The following QRICH2 variants were observed in gnomAD, a reference collection of about 807,000 sequenced individuals.
The protein encoded by QRICH2 is glutamine-rich protein 2.
In QRICH2, 119 loss-of-function variants were observed where a neutral mutation model predicts 168.3. The observed-to-expected ratio is 0.71, with a 90% CI of 0.61 to 0.82. QRICH2 has a LOEUF of 0.82. QRICH2 is among the 40% of genes least tolerant of loss of function. QRICH2 has a pLI of 0.00. For synonymous variants in QRICH2, 894 were observed against 951.2 expected (o/e 0.94, Z 1.11); for missense variants, 2,241 against 2,491.6 (o/e 0.90, Z 2.14).
rs112068809 is a variant in QRICH2, at chr17:76,285,125, C to CTGTTGTTGTTGTTGTTGTTGTTGT, written c.4011+2066_4011+2067insACAACAACAACAACAACAACAACA. ...GTGCACCACCACACCCAGCTATTTT[C>CTGTTGTTGTTGTTGTTGTTGTTGT]TGTTGTTGTTGTTGTTGTTGTTTTT... is the stretch of plus-strand genomic sequence containing the variant. On this transcript the variant is annotated intron_variant, in intron 7 of 18. Coordinates refer to ENST00000680821, the MANE Select transcript of QRICH2 (RefSeq NM_001388453.1). 4.3e-3 allele frequency among the ~76,000 whole-genome samples: 633 copies of CTGTTGTTGTTGTTGTTGTTGTTGT among 147,846 alleles called. 4 individuals carry two copies. Among genetic ancestry groups the CTGTTGTTGTTGTTGTTGTTGTTGT allele is most frequent in the African/African-American group, 0.015 (604 of 39,626 alleles).
chr17:76,280,844 T>C lies in QRICH2; in HGVS notation c.4373A>G (p.Gln1458Arg), dbSNP rs753575316. The C allele has an allele frequency of 8.7e-6, 14 of 1,613,924 alleles. No individual in the cohort carries two copies. Among genetic ancestry groups the C allele is most frequent in the Middle Eastern group, 1.6e-4 (1 of 6,082 alleles). Residue 1458 changes from glutamine to arginine, a missense_variant, in exon 9 of 19, where the codon CAG becomes CGG. Transcript: ENST00000680821. This position sits in a 1 kb window ranked among gnomAD's most constrained non-coding sequence, Gnocchi z 7.4. ...SNLIEDHRQK[Q>R]KDIAMLYQGL... ...GCGGCCGCTCACAGCAATGTCCTTC[T>C]GTTTCTGCCGATGGTCCTCGATGAG...
intron 7 of QRICH2, among the ~76,000 whole-genome samples, chr17:76,284,965 T>A (rs2070855340): frequency 1.3e-5 from 2 of 151,882 alleles, no homozygotes; most frequent in African/African-American, 4.8e-5. Context: ...TATAATTTTT[T>A]TTTTTTTTTG....
rs144033405 is a variant in QRICH2 at position 76,281,845 on chromosome 17, G to A, written c.4263+19C>T. The A allele has an allele frequency of 1.1e-3, 1,753 of 1,606,514 alleles. 15 individuals are homozygous for A. In the African/African-American group the frequency reaches 0.017, roughly 16 times the overall value. On this transcript the variant is annotated intron_variant, in intron 8 of 18. Transcript: ENST00000680821. The surrounding 1 kb of genome is among the most constrained non-coding windows in gnomAD (Gnocchi z 4.4). ...GGCCATGTCCAGTTGCAGCAGGAGG[G>A]AGGCGAGCAGAGCCCCACCTGTCTC...
At chr17:76,277,863 T>A (rs1568104195) in intron 15 of QRICH2, 126 bp downstream of exon 15, 32 of 1,010,482 alleles carry the variant, frequency 3.2e-5, no homozygotes, top group Middle Eastern at 2.9e-4. Flanking sequence ...ACACTTTCTC[T>A]CACACACACA....
chr17:76,292,613 G>A lies in QRICH2; in HGVS notation c.2114C>T (p.Ala705Val). The A allele has an allele frequency of 1.2e-6, 2 of 1,613,454 alleles. No individual in the cohort carries two copies. Among genetic ancestry groups the A allele is most frequent in the Non-Finnish European group, 1.7e-6 (2 of 1,179,914 alleles). Residue 705 changes from alanine to valine, a missense_variant, in exon 4 of 19, where the codon GCA becomes GTA. By Grantham distance (64) the Ala-to-Val change is moderately conservative. This residue lies in a region of QRICH2 where 2,047 missense variants were observed against 2,303.8 expected (regional missense o/e 0.89). Transcript: ENST00000680821. ...ADQIDVVQPG[A>V]DQHGLVQSGA... ...AGATTGTACCAAACCATGCTGATCT[G>A]CACCAGGTTGCACCACATCAATCTG...
chr17:76,308,529 C>T, upstream of QRICH2: 1 of 982,492 alleles, frequency 1.0e-6, no homozygotes, highest in Non-Finnish European at 1.2e-6. Flanking sequence ...TGCTTTGTGT[C>T]ATCAGCTGCG....
intron 17 of QRICH2, among the ~76,000 whole-genome samples, 192 bp downstream of exon 17, chr17:76,276,488 G>C (rs1267680736): frequency 6.6e-6 from 1 of 152,248 alleles, no homozygotes; most frequent in Non-Finnish European, 1.5e-5. Flanking sequence ...TGATGGCTGA[G>C]GCTGGACAGC....
In QRICH2 at chr17:76,292,720, GCCAGGCTGATCTACA is replaced by G; in HGVS notation, c.1992_2006del (p.Val665_Gly669del). The G allele has an allele frequency of 6.3e-7, 1 of 1,588,944 alleles. No individual in the cohort carries two copies. Among genetic ancestry groups the G allele is most frequent in the Non-Finnish European group, 8.5e-7 (1 of 1,170,424 alleles). ...GCTGAAATCTGCCAGGTTGGACCAT[GCCAGGCTGATCTACA>G]CCAGGCTGTACCAAGACACCCTGAC... On this transcript the variant is annotated inframe_deletion, in exon 4 of 19. Coordinates refer to ENST00000680821, the MANE Select transcript of QRICH2 (RefSeq NM_001388453.1).
chr17:76,292,204 C>T lies in QRICH2; in HGVS notation c.2523G>A (p.Leu841=). 1.3e-6 allele frequency: 2 copies of T among 1,525,606 alleles called. No homozygotes were observed. Among genetic ancestry groups the T allele is most frequent in the Non-Finnish European group, 1.8e-6 (2 of 1,123,130 alleles). 94.5% of individuals were successfully genotyped at this position (1,525,606 alleles called of 1,614,324 possible). A position where few individuals can be genotyped will look rare whatever the true frequency, so the allele number is the denominator to read the frequency against. ...LVQPGAVQRG[L]VQPGAVQHGL... is the part of the protein sequence containing the mutation. ...CATGCTGAACTGCACCAGGTTGGAC[C>T]AAACCACGCTGAACTGCACCAGGTT... Residue 841 remains leucine (L), a synonymous_variant, in exon 4 of 19, where the codon TTG becomes TTA. Transcript: ENST00000680821.
intron 3 of QRICH2, chr17:76,301,385 TG>T: frequency 4.8e-6 from 1 of 208,116 alleles, no homozygotes. Context: ...CTGGGCAACA[TG>T]ACAACACCTT....
chr17:76,287,075 CACACACACACACAT>C, intron 7 of QRICH2, 103 bp downstream of exon 7: 2 of 291,324 alleles, frequency 6.9e-6, no homozygotes, highest in South Asian at 3.0e-5. Flanking sequence ...CACACACACA[CACACACACACACAT>C]GATGGGAGGG....
At chr17:76,285,540 C>G (rs1428920813) in intron 7 of QRICH2, among the ~76,000 whole-genome samples, 1 of 151,484 alleles carries the variant, frequency 6.6e-6, no homozygotes, top group African/African-American at 2.4e-5. Flanking sequence ...AGTGCTGGGA[C>G]TACAGGCGTG....
chr17:76,286,146 G>A (rs1319754006), intron 7 of QRICH2, among the ~76,000 whole-genome samples: 1 of 151,054 alleles, frequency 6.6e-6, no homozygotes, highest in Non-Finnish European at 1.5e-5. Context: ...CTGCACTCCA[G>A]CCTAGGCGAG....
At chr17:76,298,685 G>C (rs931905919) in intron 3 of QRICH2, among the ~76,000 whole-genome samples, 1 of 151,436 alleles carries the variant, frequency 6.6e-6, no homozygotes, top group African/African-American at 2.4e-5. Context: ...GCGCGATCTC[G>C]GCTCACTGCA....
At chr17:76,297,500 C>T (rs1292679707) in intron 3 of QRICH2, among the ~76,000 whole-genome samples, 2 of 138,670 alleles carry the variant, frequency 1.4e-5, no homozygotes, top group Non-Finnish European at 3.0e-5. Context: ...CAGCAAGACT[C>T]CATCTCAAAA....
intron 5 of QRICH2, among the ~76,000 whole-genome samples, chr17:76,289,277 C>T (rs1426002037): frequency 1.3e-5 from 2 of 152,126 alleles, no homozygotes; most frequent in African/African-American, 4.8e-5. Flanking sequence ...CAGCCTCAAA[C>T]TCAGGCTCAA....
At chr17:76,288,717 A>G (rs925309531) in intron 5 of QRICH2, among the ~76,000 whole-genome samples, 7 of 152,078 alleles carry the variant, frequency 4.6e-5, no homozygotes, top group African/African-American at 1.2e-4. Context: ...TTTAAAAAAA[A>G]AAAGGAGAAT....
rs2070761755 is a variant in QRICH2 at position 76,280,212 on chromosome 17, CAGG to C, written c.4627-61_4627-59del. On this transcript the variant is annotated intron_variant, in intron 11 of 18. Transcript: ENST00000680821. The surrounding 1 kb of genome is among the most constrained non-coding windows in gnomAD (Gnocchi z 7.4). ...TAAGGAAGCAGGTAGGGGGCTGACC[CAGG>C]AGAAGGTGGTGCTGTCCCGATCCTG... 5 of 1,607,094 alleles carry C rather than the reference CAGG, an allele frequency of 3.1e-6. No homozygotes were observed. The highest frequency in any genetic ancestry group is 4.3e-6 in the Non-Finnish European group (5 of 1,175,594).
upstream of QRICH2, chr17:76,310,274 G>C (rs1427798555): frequency 5.4e-5 from 8 of 147,558 alleles, no homozygotes; most frequent in African/African-American, 7.9e-5. Context: ...TGGGATTACA[G>C]GCGTGAGCCA....
Sources: gnomAD v4.1 joint callset for allele counts (sites outside exome capture counted in the v4.1 genomes callset) on GRCh38, gnomAD v4.1.1 for gene constraint, gnomAD v4.1.1 regional missense constraint, Gnocchi (gnomAD v3.1) non-coding constraint, MANE v1.5 for transcripts, NCBI Gene and HGNC (gene_info 2026-07-23, HGNC 2026-07-21) for gene names.